The following TNNI3K variants were observed in gnomAD, a reference collection of about 807,000 sequenced individuals.
The protein encoded by TNNI3K is serine/threonine-protein kinase TNNI3K.
Under a neutral mutation model 114.5 loss-of-function variants are expected in TNNI3K, and 140 were observed. The ratio of observed to expected loss-of-function variants is 1.22; its 90% CI spans 1.07 to 1.41. TNNI3K has a LOEUF of 1.41. TNNI3K is among the 40% of genes most tolerant of loss of function. The probability of loss-of-function intolerance (pLI) is 0.00; values close to 1 mark genes in which losing one functional copy is unlikely to be tolerated. For synonymous variants in TNNI3K, 347 were observed against 347.5 expected (o/e 1.00, Z 0.02); for missense variants, 1,125 against 1,007.6 (o/e 1.12, Z -1.58).
chr1:74,274,070 C>A (rs1271064857), intron 5 of TNNI3K, among the ~76,000 whole-genome samples: 1 of 151,784 alleles, frequency 6.6e-6, no homozygotes, highest in African/African-American at 2.4e-5. Context: ...TATTTATAGC[C>A]TACTGCTGAT....
At chr1:74,392,437 C>T (rs1165127574) in intron 17 of TNNI3K, among the ~76,000 whole-genome samples, 2 of 152,192 alleles carry the variant, frequency 1.3e-5, no homozygotes, top group Non-Finnish European at 2.9e-5. Flanking sequence ...TTTAACTCCT[C>T]GTCTCTGACT....
intron 4 of TNNI3K, among the ~76,000 whole-genome samples, chr1:74,259,517 C>T (rs1188497139): frequency 2.0e-5 from 3 of 152,192 alleles, no homozygotes; most frequent in African/African-American, 7.2e-5. Flanking sequence ...CATAGTGGCT[C>T]ATGCCTGTAA....
Position 74,358,054 on chromosome 1 carries a change from C to T in TNNI3K, c.1177+3925C>T, listed in dbSNP as rs1229434549. ...AAGATCTCAGCCAATTAGAATTGAA[C>T]ACATAGCTCAATAGTGTGTCTGGCA... is the stretch of plus-strand genomic sequence containing the variant. On this transcript the variant is annotated intron_variant, in intron 11 of 24. Transcript: ENST00000326637. Among the ~76,000 whole-genome samples the T allele has an allele frequency of 2.6e-5, 4 of 152,128 alleles. No homozygotes were observed. In the East Asian group the frequency reaches 7.7e-4, roughly 29 times the overall value.
chr1:74,497,518 C>CT (rs1259897733), intron 23 of TNNI3K, among the ~76,000 whole-genome samples: 1 of 151,892 alleles, frequency 6.6e-6, no homozygotes, highest in Non-Finnish European at 1.5e-5. Context: ...CATGGGTCTT[C>CT]TTGTTGTTTC....
chr1:74,303,892 G>T (rs1196476324), intron 5 of TNNI3K, among the ~76,000 whole-genome samples: 2 of 152,120 alleles, frequency 1.3e-5, no homozygotes, highest in Non-Finnish European at 2.9e-5. Flanking sequence ...GACTTTGAGG[G>T]ATTTAAGACT....
At chr1:74,503,085 A>ACT (rs796786192) in intron 23 of TNNI3K, among the ~76,000 whole-genome samples, 8 of 152,158 alleles carry the variant, frequency 5.3e-5, no homozygotes, top group African/African-American at 1.9e-4. Flanking sequence ...CATTAAACGT[A>ACT]CTCTCCACTG....
rs114933537 is a variant in TNNI3K at position 74,423,508 on chromosome 1, T to A, written c.1773-12572T>A. ...GAAACCAGAACAATGTGGATTCTAATCATAATTCTGACACTTTATCAAATG... is the reference window on the plus strand; with the variant it reads ...GAAACCAGAACAATGTGGATTCTAAACATAATTCTGACACTTTATCAAATG... On this transcript the variant is annotated intron_variant, in intron 17 of 24. Coordinates refer to ENST00000326637, the MANE Select transcript of TNNI3K (RefSeq NM_015978.3). Among the ~76,000 whole-genome samples the A allele has an allele frequency of 3.0e-3, 461 of 152,250 alleles. 4 individuals are homozygous for A. The highest frequency in any genetic ancestry group is 0.01 in the African/African-American group (426 of 41,572).
At chr1:74,317,081 G>A (rs950059606) in intron 5 of TNNI3K, among the ~76,000 whole-genome samples, 1 of 152,030 alleles carries the variant, frequency 6.6e-6, no homozygotes, top group Non-Finnish European at 1.5e-5. Flanking sequence ...CCTGTCTTCT[G>A]GCTAAGATAT....
intron 17 of TNNI3K, among the ~76,000 whole-genome samples, chr1:74,394,913 G>T (rs1032758752): frequency 6.6e-6 from 1 of 151,902 alleles, no homozygotes; most frequent in Non-Finnish European, 1.5e-5. Context: ...GCATGGTGGC[G>T]GGCACCTGTA....
chr1:74,423,290 C>T (rs972102130), intron 17 of TNNI3K, among the ~76,000 whole-genome samples: 1 of 151,872 alleles, frequency 6.6e-6, no homozygotes, highest in Non-Finnish European at 1.5e-5. Flanking sequence ...GTTGCACATA[C>T]TTTCTGTAGC....
chr1:74,450,581 G>T (rs1167717910), intron 20 of TNNI3K, among the ~76,000 whole-genome samples: 1 of 151,968 alleles, frequency 6.6e-6, no homozygotes, highest in Non-Finnish European at 1.5e-5. Flanking sequence ...TAAAAAGTGG[G>T]CAAAGGACAT....
intron 23 of TNNI3K, among the ~76,000 whole-genome samples, chr1:74,507,834 C>A (rs1345189232): frequency 6.6e-6 from 1 of 152,200 alleles, no homozygotes; most frequent in South Asian, 2.1e-4. Context: ...TTTGAAATTA[C>A]AAAGGCTGAA....
At chr1:74,465,324 G>A (rs1667623230) in intron 21 of TNNI3K, among the ~76,000 whole-genome samples, 1 of 152,228 alleles carries the variant, frequency 6.6e-6, no homozygotes, top group Non-Finnish European at 1.5e-5. Context: ...GTGCCAGCAT[G>A]AGTTCCCAGT....
chr1:74,480,568 AT>A, intron 21 of TNNI3K: 1 of 717,364 alleles, frequency 1.4e-6, no homozygotes, highest in Non-Finnish European at 2.6e-6. Context: ...TGTTGGATAA[AT>A]CCAGATACCT....
rs201690625 is a variant in TNNI3K at position 74,353,374 on chromosome 1, G to A, written c.1027+14G>A. The A allele has an allele frequency of 3.3e-5, 54 of 1,612,134 alleles. No homozygotes were observed. The highest frequency in any genetic ancestry group is 4.3e-5 in the Non-Finnish European group (51 of 1,179,064). Reference sequence around the variant, plus strand: ...ATGGGCACACTGGTAAGACTGTGGTGAAAACACCACTAGTTCTATATGCTT... The same window carrying A: ...ATGGGCACACTGGTAAGACTGTGGTAAAAACACCACTAGTTCTATATGCTT... On this transcript the variant is annotated intron_variant, in intron 10 of 24. Transcript: ENST00000326637.
Position 74,398,755 on chromosome 1 carries a change from T to C in TNNI3K, c.1772+28363T>C, listed in dbSNP as rs1207975823. Among the ~76,000 whole-genome samples, 5 of 152,108 alleles carry C rather than the reference T, an allele frequency of 3.3e-5. No individual in the cohort carries two copies. In the South Asian group the frequency reaches 8.3e-4, roughly 25 times the overall value. On this transcript the variant is annotated intron_variant, in intron 17 of 24. Coordinates refer to ENST00000326637, the MANE Select transcript of TNNI3K (RefSeq NM_015978.3). ...ATCTTGAGGGTGCTAAGAGGAATTA[T>C]GGAAGGTATACATATTAGATGGGAT... is the stretch of plus-strand genomic sequence containing the variant.
chr1:74,342,982 C>G lies in TNNI3K; in HGVS notation c.823C>G (p.His275Asp). ...VVNIYGDTPL[H>D]LACYNGKFEV... is the part of the protein sequence containing the mutation. ...TAATATCTATGGAGATACCCCCTTA[C>G]ACCTGTGAGTATTATGTAGCATTCC... is the stretch of plus-strand genomic sequence containing the variant. Residue 275 changes from histidine (H) to aspartate (D), a missense_variant, in exon 8 of 25, where the codon CAC becomes GAC. His to Asp is a moderately conservative substitution (Grantham distance 81). Coordinates refer to ENST00000326637, the MANE Select transcript of TNNI3K (RefSeq NM_015978.3). The G allele has an allele frequency of 6.2e-7, 1 of 1,613,870 alleles. No homozygotes were observed. The highest frequency in any genetic ancestry group is 1.7e-5 in the Admixed American group (1 of 59,950).
chr1:74,263,914 G>A (rs1268159363), intron 4 of TNNI3K, among the ~76,000 whole-genome samples: 1 of 151,898 alleles, frequency 6.6e-6, no homozygotes, highest in Admixed American at 6.6e-5. Flanking sequence ...CAAGTAGCAT[G>A]TATTTACTTC....
At chr1:74,298,697 T>C (rs1658137752) in intron 5 of TNNI3K, among the ~76,000 whole-genome samples, 1 of 152,060 alleles carries the variant, frequency 6.6e-6, no homozygotes. Flanking sequence ...TCACACATAC[T>C]ATATATAATA....
Sources: gnomAD v4.1 joint callset for allele counts (sites outside exome capture counted in the v4.1 genomes callset) on GRCh38, gnomAD v4.1.1 for gene constraint, MANE v1.5 for transcripts, NCBI Gene and HGNC (gene_info 2026-07-23, HGNC 2026-07-21) for gene names.